Variants in DVL3 observed in about 807,000 individuals in gnomAD.
DVL3 encodes the protein segment polarity protein dishevelled homolog DVL-3.
In DVL3, 27 loss-of-function variants were observed where a neutral mutation model predicts 67.4. The observed-to-expected ratio is 0.40, with a 90% confidence interval of 0.30 to 0.55. The LOEUF (loss-of-function observed/expected upper bound fraction) is 0.55, where lower values mean the gene tolerates loss of function less well. Among genes scored for constraint, DVL3 ranks in the 20% least tolerant of loss-of-function variants. DVL3 has a pLI of 0.46. For missense variants in DVL3, 819 were observed against 1,021.5 expected, an observed-to-expected ratio of 0.80 and a Z score of 2.70; for synonymous variants, 369 against 396.8, an observed-to-expected ratio of 0.93 and a Z score of 0.83.
At chr3:184,161,450 G>GT (rs1360241614) in intron 1 of DVL3, among the ~76,000 whole-genome samples, 1 of 151,672 alleles carries the variant, frequency 6.6e-6, no homozygotes, top group Non-Finnish European at 1.5e-5. Context: ...CAAAGAACAA[G>GT]TGGGGACTGA....
At position 184,170,172 on chromosome 3, in the gene DVL3, G is replaced by A; in HGVS notation, c.1665G>A (p.Glu555=). 1 of 1,613,516 alleles carries A rather than the reference G, an allele frequency of 6.2e-7. No individual in the cohort carries two copies. The highest frequency in any genetic ancestry group is 2.2e-5 in the East Asian group (1 of 44,872). The part of the protein sequence containing the change: ...HPYNPHPGFP[E]LGYSYGGGSA... ...ACAACCCGCACCCGGGCTTCCCGGA[G>A]CTGGGCTACAGCTACGGCGGGGGCA... Residue 555 remains glutamate (E), a synonymous_variant, in exon 14 of 15, where the codon GAG becomes GAA. Transcript: ENST00000313143. This position sits in a 1 kb window ranked among gnomAD's most constrained non-coding sequence, Gnocchi z 6.5.
chr3:184,158,578 C>G (rs1397242157), intron 1 of DVL3, among the ~76,000 whole-genome samples: 1 of 151,948 alleles, frequency 6.6e-6, no homozygotes, highest in Non-Finnish European at 1.5e-5. Flanking sequence ...CTCCGAGCCC[C>G]ACAAGAGGAA....
At position 184,172,041 on chromosome 3, in the gene DVL3, T is replaced by G. The variant is rs1560122333; in HGVS notation, c.*1286T>G. 6.6e-6 allele frequency: 1 copy of G among 152,652 alleles called. No homozygotes were observed. The allele number at this position is 152,652 out of a possible 1,614,324, so 9.5% of individuals were successfully genotyped here. On this transcript the variant is annotated 3_prime_UTR_variant, in exon 15 of 15. Coordinates refer to ENST00000313143, the MANE Select transcript of DVL3 (RefSeq NM_004423.4). ...AAACCTCGCACACATGTCCCCAGCA[T>G]TTTCTCACCTGGATAAAGCCCATAA...
chr3:184,170,462 G>C lies in DVL3; in HGVS notation c.1858G>C (p.Ala620Pro). 1 of 1,584,608 alleles carries C rather than the reference G, an allele frequency of 6.3e-7. No individual in the cohort carries two copies. Among genetic ancestry groups the C allele is most frequent in the Non-Finnish European group, 8.6e-7 (1 of 1,166,378 alleles). The change falls in exon 15 of 15, where the codon GCG becomes CCG. Residue 620 changes from alanine to proline, a missense_variant. By Grantham distance (27) the Ala-to-Pro change is conservative. Coordinates refer to ENST00000313143, the MANE Select transcript of DVL3 (RefSeq NM_004423.4). This position sits in a 1 kb window ranked among gnomAD's most constrained non-coding sequence, Gnocchi z 6.5. ...CAGCCTGCGGGGGCCGCGGGAGCGG[G>C]CGCCCAGCGAGCGCTCAGGGCCGGC... ...RSSLRGPRER[A>P]PSERSGPAAS...
In DVL3 at chr3:184,164,703, G is replaced by A; in HGVS notation, c.464-93G>A. ...GCCCTACTTCCCGAGCTCAGGATATGCCTGGCCCCAGTGCAGCCCCTGGCT... is the reference window on the plus strand; with the variant it reads ...GCCCTACTTCCCGAGCTCAGGATATACCTGGCCCCAGTGCAGCCCCTGGCT... On this transcript the variant is annotated intron_variant, in intron 4 of 14. Coordinates refer to ENST00000313143, the MANE Select transcript of DVL3 (RefSeq NM_004423.4). The surrounding 1 kb of genome is among the most constrained non-coding windows in gnomAD (Gnocchi z 5.3). 4.4e-6 allele frequency: 7 copies of A among 1,589,912 alleles called. No individual in the cohort carries two copies. Among genetic ancestry groups the A allele is most frequent in the Non-Finnish European group, 6.0e-6 (7 of 1,165,888 alleles).
intron 1 of DVL3, chr3:184,156,675 G>C (rs914843911): frequency 2.9e-6 from 1 of 346,096 alleles, no homozygotes; most frequent in African/African-American, 2.2e-5. Context: ...TGTTGGAGCC[G>C]GAAGGTTCTG....
Position 184,164,579 on chromosome 3 carries a change from C to A in DVL3, c.441C>A (p.Arg147=), listed in dbSNP as rs139649907. 1 of 1,562,004 alleles carries A rather than the reference C, an allele frequency of 6.4e-7. No individual in the cohort carries two copies. The change falls in exon 4 of 15, where the codon CGC becomes CGA. Residue 147 remains arginine (R), a synonymous_variant. Transcript: ENST00000313143. The surrounding 1 kb of genome is among the most constrained non-coding windows in gnomAD (Gnocchi z 5.3). ...TGTCTGCCCAGCGAGAGCGGCCACG[C>A]CGGAGGGATGGCCCAGAGCATGGTA... is the stretch of plus-strand genomic sequence containing the variant. The part of the protein sequence containing the change: ...SLVSAQRERP[R]RRDGPEHATR...
In DVL3 at chr3:184,155,763, A is replaced by G. The variant is rs1577042567; in HGVS notation, c.128A>G (p.Lys43Arg). ...GGCGTTTTGCAGCGACCCAGCTATA[A>G]GTTCTTCTTCAAGTCTATGGACGAC... ...FKGVLQRPSY[K>R]FFFKSMDDDF... Residue 43 changes from lysine to arginine, a missense_variant, in exon 1 of 15, where the codon AAG becomes AGG. By Grantham distance (26) the Lys-to-Arg change is conservative. Coordinates refer to ENST00000313143, the MANE Select transcript of DVL3 (RefSeq NM_004423.4). The surrounding 1 kb of genome is among the most constrained non-coding windows in gnomAD (Gnocchi z 5.4). The G allele has an allele frequency of 6.2e-7, 1 of 1,612,480 alleles. No individual in the cohort carries two copies. The highest frequency in any genetic ancestry group is 8.5e-7 in the Non-Finnish European group (1 of 1,179,566).
intron 1 of DVL3, among the ~76,000 whole-genome samples, chr3:184,157,713 C>T (rs753948711): frequency 1.1e-4 from 16 of 152,148 alleles, no homozygotes; most frequent in Admixed American, 2.0e-4. Flanking sequence ...CTGTGTGCCA[C>T]CTGAAGCCAT....
At position 184,164,150 on chromosome 3, in the gene DVL3, C is replaced by G; in HGVS notation, c.232-117C>G. On this transcript the variant is annotated intron_variant, in intron 2 of 14. Coordinates refer to ENST00000313143, the MANE Select transcript of DVL3 (RefSeq NM_004423.4). This position sits in a 1 kb window ranked among gnomAD's most constrained non-coding sequence, Gnocchi z 5.3. The stretch of plus-strand genomic sequence containing the variant: ...CCACCCTCGCACAGCCCTGTCTTTT[C>G]TCCCTCGATATTTCCTGCTTCCTTC... 1 of 1,280,526 alleles carries G rather than the reference C, an allele frequency of 7.8e-7. No homozygotes were observed. The highest frequency in any genetic ancestry group is 1.1e-6 in the Non-Finnish European group (1 of 911,094). The allele number at this position is 1,280,526 out of a possible 1,614,324, so 79.3% of individuals were successfully genotyped here.
In DVL3 at chr3:184,157,245, G is replaced by A. The variant is rs539346974; in HGVS notation, c.161+1449G>A. On this transcript the variant is annotated intron_variant, in intron 1 of 14. Transcript: ENST00000313143. ...CTGAGGAGGGATGGATCTAGAAGGGGTCTGGGTGAGGGGGTGGATACTTTG... is the reference window on the plus strand; with the variant it reads ...CTGAGGAGGGATGGATCTAGAAGGGATCTGGGTGAGGGGGTGGATACTTTG... Among the ~76,000 whole-genome samples, 15 of 152,286 alleles carry A rather than the reference G, an allele frequency of 9.8e-5. No homozygotes were observed. The South Asian group carries it at 3.1e-3, about 32-fold the overall frequency.
intron 1 of DVL3, among the ~76,000 whole-genome samples, chr3:184,156,181 C>T (rs916892355): frequency 6.6e-6 from 1 of 152,178 alleles, no homozygotes; most frequent in African/African-American, 2.4e-5. Context: ...TCCGCACAGA[C>T]TTGGGTCGTG....
chr3:184,163,534 G>A lies in DVL3; in HGVS notation c.162-123G>A. ...GTCTCCCCAACCTCTGCTTTCATTTGAACAGTCTTGTGCTGGTGGTTTGAT... is the reference window on the plus strand; with the variant it reads ...GTCTCCCCAACCTCTGCTTTCATTTAAACAGTCTTGTGCTGGTGGTTTGAT... On this transcript the variant is annotated intron_variant, in intron 1 of 14. Coordinates refer to ENST00000313143, the MANE Select transcript of DVL3 (RefSeq NM_004423.4). This position sits in a 1 kb window ranked among gnomAD's most constrained non-coding sequence, Gnocchi z 4.5. 1 of 902,222 alleles carries A rather than the reference G, an allele frequency of 1.1e-6. No individual in the cohort carries two copies. Among genetic ancestry groups the A allele is most frequent in the Non-Finnish European group, 1.9e-6 (1 of 533,888 alleles). 55.9% of individuals were successfully genotyped at this position (902,222 alleles called of 1,614,324 possible).
rs747036434 is a variant in DVL3 at position 184,170,631 on chromosome 3, T to C, written c.2027T>C (p.Met676Thr). ...ATGATGCCCCCGCCGCCCGCGGCCATGGGGCCCCCAGGAGCCCCTCCGGGC... is the reference window on the plus strand; with the variant it reads ...ATGATGCCCCCGCCGCCCGCGGCCACGGGGCCCCCAGGAGCCCCTCCGGGC... The part of the protein sequence containing the change: ...MLMMPPPPAA[M>T]GPPGAPPGRD... Residue 676 changes from methionine to threonine, a missense_variant, in exon 15 of 15, where the codon ATG becomes ACG. Physicochemically the swap from Met to Thr is moderately conservative, Grantham distance 81 (BLOSUM62 -1). This residue lies in a region of DVL3 where 324 missense variants were observed against 331.3 expected (regional missense o/e 0.98). Transcript: ENST00000313143. This position sits in a 1 kb window ranked among gnomAD's most constrained non-coding sequence, Gnocchi z 6.5. 5.1e-6 allele frequency: 8 copies of C among 1,579,548 alleles called. No homozygotes were observed. Among genetic ancestry groups the C allele is most frequent in the Non-Finnish European group, 6.9e-6 (8 of 1,162,978 alleles).
rs915601830 is a variant in DVL3, at chr3:184,171,608, G to A, written c.*853G>A. On this transcript the variant is annotated 3_prime_UTR_variant, in exon 15 of 15. Coordinates refer to ENST00000313143, the MANE Select transcript of DVL3 (RefSeq NM_004423.4). ...GTTTGACTTTCTGTGAGCCCCCAGC[G>A]AGGGGAGGCCCAGCCTCCGAGGAGA... The A allele has an allele frequency of 2.1e-5, 21 of 985,796 alleles. No individual in the cohort carries two copies. Among genetic ancestry groups the A allele is most frequent in the Admixed American group, 6.1e-5 (1 of 16,268 alleles). The allele number at this position is 985,796 out of a possible 1,614,324, so 61.1% of individuals were successfully genotyped here.
At chr3:184,169,299 T>C (rs1176245911) in intron 13 of DVL3, among the ~76,000 whole-genome samples, 2 of 152,256 alleles carry the variant, frequency 1.3e-5, no homozygotes, top group African/African-American at 4.8e-5. Context: ...TTGTGCCTCA[T>C]GAACTTCAGG....
At position 184,171,034 on chromosome 3, in the gene DVL3, G is replaced by A. The variant is rs1714818535; in HGVS notation, c.*279G>A. Reference sequence around the variant, plus strand: ...CCCTTTTGTCTCTGGGACCAGACTTGTTGGTGCTACCCCTTACTCCCCTCT... The same window carrying A: ...CCCTTTTGTCTCTGGGACCAGACTTATTGGTGCTACCCCTTACTCCCCTCT... On this transcript the variant is annotated 3_prime_UTR_variant, in exon 15 of 15. Coordinates refer to ENST00000313143, the MANE Select transcript of DVL3 (RefSeq NM_004423.4). The A allele has an allele frequency of 7.2e-7, 1 of 1,383,814 alleles. No individual in the cohort carries two copies. The highest frequency in any genetic ancestry group is 9.4e-7 in the Non-Finnish European group (1 of 1,058,712). 85.7% of individuals were successfully genotyped at this position (1,383,814 alleles called of 1,614,324 possible). A position where few individuals can be genotyped will look rare whatever the true frequency, so the allele number is the denominator to read the frequency against.
rs1043667326 is a variant in DVL3 at position 184,165,233 on chromosome 3, G to A, written c.693+27G>A. The A allele has an allele frequency of 6.4e-7, 1 of 1,569,618 alleles. No homozygotes were observed. The highest frequency in any genetic ancestry group is 8.7e-7 in the Non-Finnish European group (1 of 1,155,858). ...TATGGGGTCTGGGAGGCTAGGGATG[G>A]GTGGAGGCAGATTGTGAGCCCTTCC... On this transcript the variant is annotated intron_variant, in intron 6 of 14. Transcript: ENST00000313143. This position sits in a 1 kb window ranked among gnomAD's most constrained non-coding sequence, Gnocchi z 4.1.
chr3:184,166,123 T>C lies in DVL3; in HGVS notation c.764-3T>C, dbSNP rs747357473. The C allele has an allele frequency of 2.5e-6, 4 of 1,612,538 alleles. No homozygotes were observed. The highest frequency in any genetic ancestry group is 2.5e-6 in the Non-Finnish European group (3 of 1,179,672). On this transcript the variant is annotated splice_polypyrimidine_tract_variant and splice_region_variant and intron_variant, in intron 7 of 14. Transcript: ENST00000313143. This position sits in a 1 kb window ranked among gnomAD's most constrained non-coding sequence, Gnocchi z 6.7. ...CCTTAAGGTCTTAAATTACTCTCTA[T>C]AGAAAAATATAACTTCTTGGGCATC...
Sources: allele counts gnomAD v4.1 joint callset (sites outside exome capture counted in the v4.1 genomes callset), GRCh38; gene constraint gnomAD v4.1.1; regional missense constraint gnomAD v4.1.1; non-coding constraint Gnocchi (gnomAD v3.1); transcripts MANE v1.5; gene names NCBI Gene and HGNC (gene_info 2026-07-23, HGNC 2026-07-21).